Variants in MMP26 observed in about 807,000 individuals in gnomAD.
MMP26 encodes the protein matrix metalloproteinase-26.
In MMP26, 33 loss-of-function variants were observed where a neutral mutation model predicts 31.0. That is an observed-to-expected ratio of 1.06 (90% CI 0.81 to 1.42). The LOEUF (loss-of-function observed/expected upper bound fraction) is 1.42, where lower values mean the gene tolerates loss of function less well. Ranked by LOEUF, MMP26 falls within the 40% of genes most tolerant of loss-of-function variation. The pLI is 0.00. For synonymous variants in MMP26, 122 were observed against 114.9 expected (o/e 1.06, Z -0.40); for missense variants, 347 against 316.1 (o/e 1.10, Z -0.74).
At chr11:4,705,112 T>C (rs896387729) in intron 1 of MMP26, 67 bp downstream of exon 1, 2 of 152,182 alleles carry the variant, frequency 1.3e-5, no homozygotes, top group African/African-American at 4.8e-5. Context: ...TCAGATAGTA[T>C]ATGAAACAAA....
At chr11:4,821,846 G>C in intron 2 of MMP26, 1 of 1,613,472 alleles carries the variant, frequency 6.2e-7, no homozygotes, top group Non-Finnish European at 8.5e-7. Context: ...ACCAATGCCC[G>C]AATTGCCAAG....
chr11:4,910,053 T>A (rs1028744591), intron 2 of MMP26, among the ~76,000 whole-genome samples: 1 of 152,124 alleles, frequency 6.6e-6, no homozygotes, highest in Admixed American at 6.6e-5. Context: ...ATGTATTGTT[T>A]TATAATTCTG....
chr11:4,869,652 C>T (rs967880391), intron 2 of MMP26, among the ~76,000 whole-genome samples: 7 of 152,128 alleles, frequency 4.6e-5, no homozygotes, highest in Non-Finnish European at 8.8e-5. Flanking sequence ...CTGTGGAAGA[C>T]AGTGTGGCAA....
chr11:4,766,236 C>G (rs1379047415), intron 1 of MMP26, among the ~76,000 whole-genome samples: 1 of 152,116 alleles, frequency 6.6e-6, no homozygotes, highest in Non-Finnish European at 1.5e-5. Flanking sequence ...AATTTAATGC[C>G]AGTGTTCATT....
At chr11:4,966,806 T>C (rs990476892) in intron 2 of MMP26, among the ~76,000 whole-genome samples, 1 of 152,220 alleles carries the variant, frequency 6.6e-6, no homozygotes, top group African/African-American at 2.4e-5. Flanking sequence ...TGCTGGATGG[T>C]GCAAGCTGTC....
At chr11:4,965,777 C>G (rs12804678) in intron 2 of MMP26, among the ~76,000 whole-genome samples, 28,486 of 152,060 alleles carry the variant, frequency 0.19, 2,857 homozygotes, top group South Asian at 0.22. Flanking sequence ...TATGGAGACA[C>G]GTAACTAAAT....
chr11:4,801,861 T>G (rs937365495), intron 2 of MMP26, among the ~76,000 whole-genome samples: 1 of 151,582 alleles, frequency 6.6e-6, no homozygotes, highest in African/African-American at 2.4e-5. Context: ...AATAACCGGA[T>G]CTCGCATGAT....
chr11:4,907,953 A>G (rs775684473), intron 2 of MMP26: 1 of 1,614,134 alleles, frequency 6.2e-7, no homozygotes, highest in South Asian at 1.1e-5. Flanking sequence ...AACAAGACCA[A>G]TGTCATCTAT....
chr11:4,915,507 T>A lies in MMP26; in HGVS notation c.-144-72561T>A. The A allele has an allele frequency of 3.1e-6, 5 of 1,614,044 alleles. No homozygotes were observed. In the South Asian group the frequency reaches 3.3e-5, roughly 11 times the overall value. On this transcript the variant is annotated intron_variant, in intron 2 of 7. Transcript: ENST00000380390. ...TGAAGTGAGCGCTCTGTTTTAATGATAAAAAGAATTGTGCAGTTGCCCGGG... is the reference window on the plus strand; with the variant it reads ...TGAAGTGAGCGCTCTGTTTTAATGAAAAAAAGAATTGTGCAGTTGCCCGGG...
At chr11:4,833,260 G>A (rs1351041486) in intron 2 of MMP26, among the ~76,000 whole-genome samples, 2 of 152,138 alleles carry the variant, frequency 1.3e-5, no homozygotes, top group Non-Finnish European at 2.9e-5. Flanking sequence ...TTTTGATAAA[G>A]AAGAGGCTTA....
intron 2 of MMP26, among the ~76,000 whole-genome samples, chr11:4,928,909 A>G (rs902830792): frequency 2.0e-5 from 3 of 152,184 alleles, no homozygotes; most frequent in Non-Finnish European, 4.4e-5. Flanking sequence ...TCACTGATAC[A>G]ATGAAATGTA....
chr11:4,904,527 G>T (rs1426650252), intron 2 of MMP26, among the ~76,000 whole-genome samples: 1 of 151,850 alleles, frequency 6.6e-6, no homozygotes, highest in Admixed American at 6.6e-5. Context: ...GCTCCTCAGG[G>T]TTCTATGAGT....
At chr11:4,881,969 T>G in intron 2 of MMP26, 6 of 1,613,970 alleles carry the variant, frequency 3.7e-6, no homozygotes, top group Non-Finnish European at 5.1e-6. Flanking sequence ...TGGGCTGGAA[T>G]GTGCTCATGT....
At chr11:4,894,088 G>T (rs1262170387) in intron 2 of MMP26, among the ~76,000 whole-genome samples, 1 of 152,096 alleles carries the variant, frequency 6.6e-6, no homozygotes, top group Non-Finnish European at 1.5e-5. Context: ...TTAATTAAGT[G>T]CTTTATTTTA....
At chr11:4,897,525 T>G (rs969063254) in intron 2 of MMP26, among the ~76,000 whole-genome samples, 1 of 152,236 alleles carries the variant, frequency 6.6e-6, no homozygotes, top group African/African-American at 2.4e-5. Context: ...ACTATCTTTG[T>G]CTTACTTATT....
chr11:4,939,137 T>A (rs2133598886), intron 2 of MMP26, among the ~76,000 whole-genome samples: 1 of 152,284 alleles, frequency 6.6e-6, no homozygotes, highest in Admixed American at 6.5e-5. Context: ...CCTGATTTAT[T>A]ATTTGATGTC....
rs71050429 is a variant in MMP26, at chr11:4,789,530, C to CTTTTTTTTTTTTTTTTTTTTTTTT, written c.-145+22195_-145+22218dup. ...TCCTGAAGGTAAAGATATCCCCCCA[C>CTTTTTTTTTTTTTTTTTTTTTTTT]TTTTTTTTTTTTTTTTTTTTTTTTT... is the stretch of plus-strand genomic sequence containing the variant. On this transcript the variant is annotated intron_variant, in intron 2 of 7. Coordinates refer to ENST00000380390, the MANE Select transcript of MMP26 (RefSeq NM_021801.5). Among the ~76,000 whole-genome samples, 2 of 65,972 alleles carry CTTTTTTTTTTTTTTTTTTTTTTTT rather than the reference C, an allele frequency of 3.0e-5. 1 individual carries two copies. Among genetic ancestry groups the CTTTTTTTTTTTTTTTTTTTTTTTT allele is most frequent in the African/African-American group, 1.1e-4 (2 of 18,646 alleles). 43.3% of individuals were successfully genotyped at this position (65,972 alleles called of 152,430 possible).
chr11:4,757,321 A>G (rs1848516796), intron 1 of MMP26, among the ~76,000 whole-genome samples: 1 of 152,132 alleles, frequency 6.6e-6, no homozygotes, highest in East Asian at 1.9e-4. Flanking sequence ...ACTGTCCTAA[A>G]AAACTAGCTC....
intron 2 of MMP26, among the ~76,000 whole-genome samples, chr11:4,841,235 AAG>A (rs1309854167): frequency 6.6e-6 from 1 of 152,184 alleles, no homozygotes; most frequent in Non-Finnish European, 1.5e-5. Context: ...AGAAAGAGAT[AAG>A]AGTTAGAAAA....
Sources: allele counts gnomAD v4.1 joint callset (sites outside exome capture counted in the v4.1 genomes callset), GRCh38; gene constraint gnomAD v4.1.1; transcripts MANE v1.5; gene names NCBI Gene and HGNC (gene_info 2026-07-23, HGNC 2026-07-21).